The following ZNF407 variants were observed in gnomAD, a reference collection of about 807,000 sequenced individuals.
ZNF407 encodes the protein zinc finger protein 407.
Under a neutral mutation model 131.2 loss-of-function variants are expected in ZNF407, and 17 were observed. The observed-to-expected ratio is 0.13, with a 90% CI of 0.09 to 0.19. The LOEUF (loss-of-function observed/expected upper bound fraction) is 0.19. Among genes scored for constraint, ZNF407 ranks in the 10% least tolerant of loss-of-function variants. The pLI is 1.00. For synonymous variants in ZNF407, 1,156 were observed against 1,062.0 expected (o/e 1.09, Z -1.72); for missense variants, 2,681 against 2,830.6 (o/e 0.95, Z 1.20).
intron 8 of ZNF407, among the ~76,000 whole-genome samples, chr18:74,936,243 T>C (rs1167512337): frequency 6.6e-6 from 1 of 152,162 alleles, no homozygotes; most frequent in East Asian, 1.9e-4. Context: ...GCAGGATCAG[T>C]TTGGGTGTGT....
chr18:74,957,211 C>G (rs116437225), intron 8 of ZNF407, among the ~76,000 whole-genome samples: 2,379 of 152,092 alleles, frequency 0.016, 69 homozygotes, highest in African/African-American at 0.053. Flanking sequence ...TTTTCTCATG[C>G]CCCGTGAGGT....
intron 4 of ZNF407, among the ~76,000 whole-genome samples, chr18:74,854,524 C>G (rs1035830628): frequency 3.3e-5 from 5 of 151,998 alleles, no homozygotes; most frequent in Admixed American, 6.6e-5. Context: ...CATTTCTTGT[C>G]AAAGAATGAA....
intron 4 of ZNF407, among the ~76,000 whole-genome samples, chr18:74,821,601 C>T (rs1242562043): frequency 1.3e-5 from 2 of 152,158 alleles, no homozygotes; most frequent in Non-Finnish European, 2.9e-5. Context: ...GACATGAACT[C>T]ATCATTTTTT....
chr18:74,719,217 G>A (rs1391755139), intron 3 of ZNF407, among the ~76,000 whole-genome samples: 2 of 152,154 alleles, frequency 1.3e-5, no homozygotes, highest in Non-Finnish European at 2.9e-5. Flanking sequence ...GTTTGAAAGT[G>A]TATAATACAT....
chr18:74,934,109 C>T (rs558895442), intron 8 of ZNF407, among the ~76,000 whole-genome samples: 57 of 151,996 alleles, frequency 3.8e-4, no homozygotes, highest in African/African-American at 1.3e-3. Context: ...CTCTTAGTGT[C>T]GTTTGTTGAG....
intron 1 of ZNF407, among the ~76,000 whole-genome samples, chr18:74,610,711 G>A (rs1983021399): frequency 6.6e-6 from 1 of 151,958 alleles, no homozygotes; most frequent in African/African-American, 2.4e-5. Flanking sequence ...ACCACACCGG[G>A]CTAATTTCTG....
At chr18:74,599,535 C>A (rs992558619) in intron 1 of ZNF407, among the ~76,000 whole-genome samples, 1 of 152,102 alleles carries the variant, frequency 6.6e-6, no homozygotes, top group Admixed American at 6.5e-5. Flanking sequence ...ATATATAATA[C>A]CTTTTTCTGC....
chr18:74,790,281 C>T (rs1969801635), intron 4 of ZNF407, among the ~76,000 whole-genome samples: 1 of 152,084 alleles, frequency 6.6e-6, no homozygotes, highest in Non-Finnish European at 1.5e-5. Flanking sequence ...ATTCTCTTGC[C>T]TCTTATATAG....
chr18:74,605,372 G>A (rs75191392), intron 1 of ZNF407, among the ~76,000 whole-genome samples: 1,989 of 152,198 alleles, frequency 0.013, 50 homozygotes, highest in African/African-American at 0.046. Flanking sequence ...TATGAAATGC[G>A]TATTATCTTG....
At chr18:74,657,653 C>T (rs1187881105) in intron 3 of ZNF407, among the ~76,000 whole-genome samples, 1 of 152,138 alleles carries the variant, frequency 6.6e-6, no homozygotes, top group Non-Finnish European at 1.5e-5. Context: ...AAGTGTTCAC[C>T]TCCACGTTGG....
At chr18:74,625,627 A>G (rs981946023) in intron 1 of ZNF407, among the ~76,000 whole-genome samples, 2 of 152,226 alleles carry the variant, frequency 1.3e-5, no homozygotes, top group African/African-American at 4.8e-5. Context: ...GACATATACA[A>G]AAGTTGATAG....
intron 4 of ZNF407, among the ~76,000 whole-genome samples, chr18:74,859,274 C>T (rs575012656): frequency 1.3e-5 from 2 of 152,188 alleles, no homozygotes; most frequent in East Asian, 1.9e-4. Flanking sequence ...TTTGTGATTC[C>T]CAAAACTGTT....
chr18:74,781,694 A>G (rs1969606359), intron 4 of ZNF407, among the ~76,000 whole-genome samples, 192 bp downstream of exon 4: 1 of 152,070 alleles, frequency 6.6e-6, no homozygotes, highest in South Asian at 2.1e-4. Context: ...TTAAAACTTG[A>G]GTCTAGAAGT....
chr18:74,641,202 A>G, intron 3 of ZNF407, 80 bp downstream of exon 3: 1 of 1,165,376 alleles, frequency 8.6e-7, no homozygotes, highest in Non-Finnish European at 1.3e-6. Flanking sequence ...TTCAAAACCG[A>G]TAGGAGTAAG....
intron 4 of ZNF407, among the ~76,000 whole-genome samples, chr18:74,852,714 G>T (rs751532069): frequency 2.0e-5 from 3 of 152,086 alleles, no homozygotes; most frequent in African/African-American, 7.2e-5. Context: ...GCACATTCTC[G>T]TTTTAAATTA....
intron 8 of ZNF407, among the ~76,000 whole-genome samples, chr18:74,938,452 G>T (rs984300048): frequency 1.3e-5 from 2 of 152,070 alleles, no homozygotes; most frequent in East Asian, 1.9e-4. Flanking sequence ...TAATTAAGAC[G>T]CTCTGTCTCT....
chr18:74,792,962 C>G (rs1969853637), intron 4 of ZNF407, among the ~76,000 whole-genome samples: 1 of 152,170 alleles, frequency 6.6e-6, no homozygotes, highest in Non-Finnish European at 1.5e-5. Context: ...TGCAGCTCTC[C>G]TCTCTTACTT....
intron 8 of ZNF407, among the ~76,000 whole-genome samples, chr18:74,964,346 C>T (rs1490022755): frequency 1.3e-5 from 2 of 152,200 alleles, no homozygotes; most frequent in Non-Finnish European, 2.9e-5. Flanking sequence ...TTGAGTTTAT[C>T]TTACAAACAT....
chr18:74,982,599 C>T (rs936867273), intron 8 of ZNF407, among the ~76,000 whole-genome samples: 1 of 152,196 alleles, frequency 6.6e-6, no homozygotes, highest in Non-Finnish European at 1.5e-5. Flanking sequence ...ACTCATACTC[C>T]AGTGGCCAGT....
Sources: allele counts gnomAD v4.1 joint callset (sites outside exome capture counted in the v4.1 genomes callset), GRCh38; gene constraint gnomAD v4.1.1; transcripts MANE v1.5; gene names NCBI Gene and HGNC (gene_info 2026-07-23, HGNC 2026-07-21).